The following ZNF536 variants were observed in gnomAD, a reference collection of about 807,000 sequenced individuals.
The protein encoded by ZNF536 is zinc finger protein 536.
ZNF536 carries 13 observed loss-of-function variants against 84.5 expected under a neutral mutation model. The ratio of observed to expected loss-of-function variants is 0.15; its 90% CI spans 0.10 to 0.24. ZNF536 has a LOEUF of 0.24. Ranked by LOEUF, ZNF536 falls within the 10% of genes least tolerant of loss-of-function variation. The pLI is 1.00. For missense variants in ZNF536, 1,536 were observed against 1,747.5 expected (o/e 0.88, Z 2.16); for synonymous variants, 811 against 742.5 (o/e 1.09, Z -1.50).
At chr19:30,496,716 A>G (rs968762279) in intron 2 of ZNF536, among the ~76,000 whole-genome samples, 1 of 151,954 alleles carries the variant, frequency 6.6e-6, no homozygotes, top group African/African-American at 2.4e-5. Context: ...GGCCTTCTCA[A>G]TGCACTGGAT....
intron 1 of ZNF536, among the ~76,000 whole-genome samples, chr19:30,255,567 T>C (rs2024870740): frequency 6.6e-6 from 1 of 152,196 alleles, no homozygotes. Flanking sequence ...AGTAATTAAT[T>C]TAGTGAAACT....
intron 2 of ZNF536, among the ~76,000 whole-genome samples, chr19:30,480,206 T>A (rs543174793): frequency 4.6e-5 from 7 of 152,264 alleles, no homozygotes; most frequent in Non-Finnish European, 8.8e-5. Flanking sequence ...AGCAGACATG[T>A]TCTTCCTGAC....
intron 1 of ZNF536, among the ~76,000 whole-genome samples, chr19:30,604,201 G>T (rs1232670701): frequency 6.6e-6 from 1 of 152,194 alleles, no homozygotes; most frequent in Non-Finnish European, 1.5e-5. Context: ...TGTACTGAAT[G>T]ACTGGTAAGA....
exon 2 of ZNF536, chr19:30,711,598 C>A (rs1170662074): frequency 6.6e-6 from 1 of 152,194 alleles, no homozygotes; most frequent in Non-Finnish European, 1.5e-5. Context: ...CCGGGGCTGA[C>A]CGGCACTGCA....
downstream of ZNF536, among the ~76,000 whole-genome samples, chr19:30,558,478 C>G (rs2046046512): frequency 6.6e-6 from 1 of 152,198 alleles, no homozygotes; most frequent in Non-Finnish European, 1.5e-5. Context: ...CACCCAGCCT[C>G]CCTTCAGCAA....
rs374535317 is a variant in ZNF536 at position 30,614,389 on chromosome 19, C to CTA, written c.169+64889_169+64890dup. On this transcript the variant is annotated intron_variant, in intron 1 of 1. Transcript: ENST00000592773. Reference sequence around the variant, plus strand: ...TGATGAACAATTTGATTATACATAACTATATATATATATATTCTCTCTTTC... The same window carrying CTA: ...TGATGAACAATTTGATTATACATAACTATATATATATATATATTCTCTCTTTC... 5.8e-3 allele frequency among the ~76,000 whole-genome samples: 801 copies of CTA among 138,736 alleles called. 6 individuals carry two copies. Among genetic ancestry groups the CTA allele is most frequent in the African/African-American group, 0.019 (716 of 37,344 alleles). The allele number at this position is 138,736 out of a possible 152,430, so 91.0% of individuals were successfully genotyped here.
chr19:30,495,931 G>T (rs1568486254), intron 2 of ZNF536, among the ~76,000 whole-genome samples: 1 of 152,184 alleles, frequency 6.6e-6, no homozygotes. Flanking sequence ...TGTCAGGGTA[G>T]TCAAAAGCAT....
chr19:30,518,555 A>G (rs73024817), intron 2 of ZNF536, among the ~76,000 whole-genome samples: 14,708 of 152,286 alleles, frequency 0.097, 977 homozygotes, highest in Non-Finnish European at 0.15. Flanking sequence ...TGTCTCTCTC[A>G]ATTATAGGAT....
At chr19:30,701,383 A>C (rs146121126) in intron 1 of ZNF536, among the ~76,000 whole-genome samples, 56 of 152,056 alleles carry the variant, frequency 3.7e-4, no homozygotes, top group African/African-American at 1.4e-3. Flanking sequence ...AAACACAAAC[A>C]CACAGACACA....
intron 4 of ZNF536, 72 bp from the exon 5 acceptor site, chr19:30,557,085 G>T: frequency 2.0e-6 from 3 of 1,533,506 alleles, no homozygotes; most frequent in Non-Finnish European, 2.7e-6. Context: ...ATGTGGCCCT[G>T]CCCTTGCTTT....
chr19:30,512,753 T>C (rs563194434), intron 2 of ZNF536, among the ~76,000 whole-genome samples: 10 of 152,364 alleles, frequency 6.6e-5, no homozygotes, highest in African/African-American at 2.4e-4. Context: ...AGCTGGATAA[T>C]GCAGTGCTGT....
rs767989687 is a variant in ZNF536 at position 30,548,027 on chromosome 19, G to A, written c.2408G>A (p.Arg803Gln). Reference sequence around the variant, plus strand: ...AAATACCACTTAGAGCGACACCATCGGGAGCGGCAGAACGGGGCTGGGCCG... The same window carrying A: ...AAATACCACTTAGAGCGACACCATCAGGAGCGGCAGAACGGGGCTGGGCCG... ...SLKYHLERHH[R>Q]ERQNGAGPLS... The change falls in exon 4 of 5, where the codon CGG (arginine) becomes CAG (glutamine). Residue 803 changes from arginine to glutamine, a missense_variant. Physicochemically the swap from Arg to Gln is conservative, Grantham distance 43 (BLOSUM62 1). This residue lies in a region of ZNF536 where 148 missense variants were observed against 205.4 expected (regional missense o/e 0.72). Coordinates refer to ENST00000355537, the MANE Select transcript of ZNF536 (RefSeq NM_014717.3). 51 of 1,613,624 alleles carry A rather than the reference G, an allele frequency of 3.2e-5. No individual in the cohort carries two copies. The highest frequency in any genetic ancestry group is 1.6e-4 in the Middle Eastern group (1 of 6,074).
At chr19:30,282,733 G>A (rs965249416) in intron 1 of ZNF536, among the ~76,000 whole-genome samples, 13 of 152,072 alleles carry the variant, frequency 8.5e-5, no homozygotes, top group African/African-American at 2.2e-4. Context: ...GTAGCATTGG[G>A]CATTTGTTCC....
intron 4 of ZNF536, chr19:30,555,843 T>A (rs1337029115): frequency 1.3e-5 from 2 of 152,012 alleles, no homozygotes; most frequent in Non-Finnish European, 2.9e-5. Flanking sequence ...GGTAGGAAAA[T>A]GGCATAGGAA....
At chr19:30,494,339 G>A (rs941860215) in intron 2 of ZNF536, among the ~76,000 whole-genome samples, 1 of 152,222 alleles carries the variant, frequency 6.6e-6, no homozygotes, top group Admixed American at 6.5e-5. Flanking sequence ...ATTGCCAGAA[G>A]CACTGGGCTC....
chr19:30,364,757 G>A (rs1488193739), intron 3 of ZNF536, among the ~76,000 whole-genome samples: 1 of 152,188 alleles, frequency 6.6e-6, no homozygotes, highest in East Asian at 1.9e-4. Flanking sequence ...ACAGCAAAAA[G>A]TGATGACTCT....
At chr19:30,504,034 T>A (rs2055058021) in intron 2 of ZNF536, among the ~76,000 whole-genome samples, 1 of 152,018 alleles carries the variant, frequency 6.6e-6, no homozygotes, top group Non-Finnish European at 1.5e-5. Flanking sequence ...TTAATATCCT[T>A]AGCATAGAGA....
intron 1 of ZNF536, among the ~76,000 whole-genome samples, chr19:30,633,256 T>C (rs2048953707): frequency 6.6e-6 from 1 of 152,212 alleles, no homozygotes; most frequent in Non-Finnish European, 1.5e-5. Context: ...GATGTCGATA[T>C]TCAATTGTAT....
At chr19:30,664,936 G>C (rs536051062) in intron 1 of ZNF536, among the ~76,000 whole-genome samples, 1 of 152,334 alleles carries the variant, frequency 6.6e-6, no homozygotes, top group South Asian at 2.1e-4. Flanking sequence ...CCTATAAATA[G>C]GTCACAATAG....
Sources: gnomAD v4.1 joint callset for allele counts (sites outside exome capture counted in the v4.1 genomes callset) on GRCh38, gnomAD v4.1.1 for gene constraint, gnomAD v4.1.1 regional missense constraint, MANE v1.5 for transcripts, NCBI Gene and HGNC (gene_info 2026-07-23, HGNC 2026-07-21) for gene names.